The following GRIA4 variants were observed in gnomAD, a reference collection of about 807,000 sequenced individuals.
The protein encoded by GRIA4 is glutamate receptor 4.
A neutral mutation model predicts 104.0 loss-of-function variants in GRIA4; 34 were observed. The observed-to-expected ratio is 0.33, with a 90% CI of 0.25 to 0.44. The LOEUF (loss-of-function observed/expected upper bound fraction) is 0.44, where lower values mean the gene tolerates loss of function less well. Among genes scored for constraint, GRIA4 ranks in the 20% least tolerant of loss-of-function variants. The pLI is 1.00. For synonymous variants in GRIA4, 386 were observed against 381.9 expected (o/e 1.01, Z -0.13); for missense variants, 750 against 1,096.5 (o/e 0.68, Z 4.46).
At chr11:105,692,533 A>T (rs1953126442) in intron 3 of GRIA4, among the ~76,000 whole-genome samples, 1 of 152,210 alleles carries the variant, frequency 6.6e-6, no homozygotes, top group Non-Finnish European at 1.5e-5. Context: ...CCATCTTAAG[A>T]TGTTCCCCTT....
At chr11:105,837,297 G>A (rs1373888683) in intron 4 of GRIA4, among the ~76,000 whole-genome samples, 1 of 152,062 alleles carries the variant, frequency 6.6e-6, no homozygotes. Context: ...ATCACAGTAG[G>A]ATGGTTCAAG....
intron 5 of GRIA4, among the ~76,000 whole-genome samples, chr11:105,883,393 C>T (rs1946137284): frequency 6.6e-6 from 1 of 151,392 alleles, no homozygotes; most frequent in South Asian, 2.1e-4. Context: ...TTCTCATTTA[C>T]ATTAGGTATA....
intron 6 of GRIA4, among the ~76,000 whole-genome samples, 185 bp from the exon 7 acceptor site, chr11:105,898,084 C>T (rs1018247135): frequency 3.9e-5 from 6 of 152,098 alleles, no homozygotes; most frequent in African/African-American, 1.4e-4. Flanking sequence ...TTTTGAATTA[C>T]AGAATTTAAC....
rs981642049 is a variant in GRIA4, at chr11:105,688,817, T to A, written c.248-64164T>A. On this transcript the variant is annotated intron_variant, in intron 3 of 16. Transcript: ENST00000282499. ...AGCAGAGTGGTTGTTGGTAACGCCA[T>A]AATATACAGATAATACGTCATTAGG... Among the ~76,000 whole-genome samples the A allele has an allele frequency of 1.5e-4, 23 of 152,116 alleles. 1 individual carries two copies. The highest frequency in any genetic ancestry group is 5.3e-4 in the African/African-American group (22 of 41,426).
At chr11:105,811,599 G>T (rs1302682525) in intron 4 of GRIA4, among the ~76,000 whole-genome samples, 1 of 152,132 alleles carries the variant, frequency 6.6e-6, no homozygotes, top group Non-Finnish European at 1.5e-5. Flanking sequence ...TGAGACTGGG[G>T]TTGAGCTGCC....
chr11:105,743,562 C>G (rs1163784779), intron 3 of GRIA4, among the ~76,000 whole-genome samples: 3 of 152,286 alleles, frequency 2.0e-5, no homozygotes, highest in African/African-American at 7.2e-5. Flanking sequence ...TGTTGACTTT[C>G]ACAGTCATTT....
chr11:105,953,471 G>A (rs565746120), intron 14 of GRIA4, among the ~76,000 whole-genome samples: 1 of 152,064 alleles, frequency 6.6e-6, no homozygotes. Flanking sequence ...TTGTTATATG[G>A]AATACGCATA....
In GRIA4 at chr11:105,974,349, G is replaced by A. The variant is rs752387055; in HGVS notation, c.2449G>A (p.Val817Ile). ...CTTGAGCCTGAGCAATGTAGCAGGC[G>A]TCTTCTACATTCTGGTTGGCGGCTT... is the stretch of plus-strand genomic sequence containing the variant. ...SALSLSNVAG[V>I]FYILVGGLGL... Residue 817 changes from valine to isoleucine, a missense_variant, in exon 16 of 17, where the codon GTC becomes ATC. Coordinates refer to ENST00000282499, the MANE Select transcript of GRIA4 (RefSeq NM_000829.4). 2.4e-5 allele frequency: 38 copies of A among 1,613,704 alleles called. No individual in the cohort carries two copies. The highest frequency in any genetic ancestry group is 5.3e-5 in the African/African-American group (4 of 74,872).
intron 4 of GRIA4, among the ~76,000 whole-genome samples, chr11:105,830,028 A>G (rs1286093749): frequency 1.3e-5 from 2 of 152,014 alleles, no homozygotes; most frequent in African/African-American, 2.4e-5. Context: ...TACTGAAAGG[A>G]CTGAAAGGAC....
chr11:105,626,204 G>A (rs1398164696), intron 3 of GRIA4, among the ~76,000 whole-genome samples: 6 of 151,776 alleles, frequency 4.0e-5, no homozygotes, highest in Non-Finnish European at 8.8e-5. Flanking sequence ...CAAACATAAG[G>A]GCCGTGAAAT....
chr11:105,858,937 A>G (rs1205429900), intron 4 of GRIA4, among the ~76,000 whole-genome samples: 1 of 152,192 alleles, frequency 6.6e-6, no homozygotes, highest in Non-Finnish European at 1.5e-5. Flanking sequence ...CCTTTACAGT[A>G]GTGAATTTCC....
At chr11:105,678,242 A>C (rs1952603425) in intron 3 of GRIA4, among the ~76,000 whole-genome samples, 1 of 152,028 alleles carries the variant, frequency 6.6e-6, no homozygotes, top group Non-Finnish European at 1.5e-5. Context: ...AGTGTATGCA[A>C]AGTTGACGTG....
intron 3 of GRIA4, among the ~76,000 whole-genome samples, chr11:105,659,875 TCTAA>T (rs1348185201): frequency 2.0e-5 from 3 of 151,696 alleles, no homozygotes; most frequent in Non-Finnish European, 4.4e-5. Flanking sequence ...AACAAAAATT[TCTAA>T]CTAATATTCT....
At chr11:105,724,019 T>C (rs546259777) in intron 3 of GRIA4, among the ~76,000 whole-genome samples, 8 of 152,060 alleles carry the variant, frequency 5.3e-5, no homozygotes, top group Admixed American at 3.9e-4. Flanking sequence ...ATAACAGATG[T>C]TGGGAAGGAT....
intron 3 of GRIA4, among the ~76,000 whole-genome samples, chr11:105,663,643 C>T (rs1952078323): frequency 6.6e-6 from 1 of 151,642 alleles, no homozygotes; most frequent in African/African-American, 2.4e-5. Flanking sequence ...GTGGATGACA[C>T]CAGGGAGAAA....
intron 4 of GRIA4, among the ~76,000 whole-genome samples, chr11:105,805,720 T>C (rs1942926612): frequency 6.6e-6 from 1 of 151,896 alleles, no homozygotes; most frequent in South Asian, 2.1e-4. Context: ...GCTTAGGAGG[T>C]TATCCCATCC....
chr11:105,669,156 A>C (rs1279644091), intron 3 of GRIA4, among the ~76,000 whole-genome samples: 3 of 151,938 alleles, frequency 2.0e-5, no homozygotes, highest in African/African-American at 7.2e-5. Context: ...AATTTCTCTC[A>C]TAATCTGTCC....
At chr11:105,671,904 G>A (rs1243732119) in intron 3 of GRIA4, among the ~76,000 whole-genome samples, 2 of 151,806 alleles carry the variant, frequency 1.3e-5, no homozygotes, top group Non-Finnish European at 1.5e-5. Flanking sequence ...CTTTTGATAG[G>A]GCTTATAAGT....
chr11:105,681,155 C>T (rs1952697557), intron 3 of GRIA4, among the ~76,000 whole-genome samples: 1 of 152,136 alleles, frequency 6.6e-6, no homozygotes, highest in African/African-American at 2.4e-5. Flanking sequence ...GTTCATTTGA[C>T]TTGATAATAA....
Sources: allele counts gnomAD v4.1 joint callset (sites outside exome capture counted in the v4.1 genomes callset), GRCh38; gene constraint gnomAD v4.1.1; transcripts MANE v1.5; gene names NCBI Gene and HGNC (gene_info 2026-07-23, HGNC 2026-07-21).